SDHAF2: variants seen among roughly 807,000 people sequenced by gnomAD.
The protein encoded by SDHAF2 is succinate dehydrogenase assembly factor 2, mitochondrial.
In SDHAF2, 21 loss-of-function variants were observed where a neutral mutation model predicts 18.5. That is an observed-to-expected ratio of 1.13 (90% CI 0.80 to 1.63). The LOEUF (loss-of-function observed/expected upper bound fraction) is 1.63, where lower values mean the gene tolerates loss of function less well. Among genes scored for constraint, SDHAF2 ranks in the 40% most tolerant of loss-of-function variants. SDHAF2 has a pLI of 0.00. For synonymous variants in SDHAF2, 84 were observed against 70.7 expected (o/e 1.19, Z -0.94); for missense variants, 195 against 200.3 (o/e 0.97, Z 0.16).
chr11:61,430,251 G>A, intron 1 of SDHAF2, 69 bp downstream of exon 1: 1 of 1,598,152 alleles, frequency 6.3e-7, no homozygotes, highest in South Asian at 1.1e-5. Flanking sequence ...CTTCCTCTGT[G>A]GTCTCTATCT....
rs774987305 is a variant in SDHAF2, at chr11:61,430,215, G to A, written c.36+33G>A. 3 of 1,613,608 alleles carry A rather than the reference G, an allele frequency of 1.9e-6. No homozygotes were observed. The African/African-American group carries it at 4.0e-5, about 22-fold the overall frequency. On this transcript the variant is annotated intron_variant, in intron 1 of 3. Coordinates refer to ENST00000301761, the MANE Select transcript of SDHAF2 (RefSeq NM_017841.4). ...GAGAGAACGTTCTAGCGTCCGGGGCGGGCGGCAGCGGGGATTACCCTTTGT... is the reference window on the plus strand; with the variant it reads ...GAGAGAACGTTCTAGCGTCCGGGGCAGGCGGCAGCGGGGATTACCCTTTGT...
At position 61,446,560 on chromosome 11, in the gene SDHAF2, A is replaced by G. The variant is rs1415394360; in HGVS notation, c.*489A>G. 1 of 461,344 alleles carries G rather than the reference A, an allele frequency of 2.2e-6. No homozygotes were observed. The highest frequency in any genetic ancestry group is 3.8e-6 in the Non-Finnish European group (1 of 263,090). The allele number at this position is 461,344 out of a possible 1,614,324, so 28.6% of individuals were successfully genotyped here. A position where few individuals can be genotyped will look rare whatever the true frequency, so the allele number is the denominator to read the frequency against. On this transcript the variant is annotated 3_prime_UTR_variant, in exon 4 of 4. Coordinates refer to ENST00000301761, the MANE Select transcript of SDHAF2 (RefSeq NM_017841.4). ...TGGCTCCTTCTGCGAAGGGAAGCTG[A>G]TCCCAGCCTCCTGAGCTGAATCCTT...
chr11:61,444,631 T>A (rs985256579), intron 3 of SDHAF2, among the ~76,000 whole-genome samples: 3 of 151,876 alleles, frequency 2.0e-5, no homozygotes, highest in Non-Finnish European at 4.4e-5. Context: ...TGGTGCCAGC[T>A]ACTCGGGAGG....
At chr11:61,444,388 A>G (rs1366885608) in intron 3 of SDHAF2, 2 of 152,238 alleles carry the variant, frequency 1.3e-5, no homozygotes, top group Non-Finnish European at 1.5e-5. Context: ...CTGACTAGCC[A>G]CTGCAGTCTC....
intron 3 of SDHAF2, among the ~76,000 whole-genome samples, chr11:61,441,710 T>C (rs921692550): frequency 1.6e-4 from 24 of 152,120 alleles, no homozygotes; most frequent in Admixed American, 3.9e-4. Context: ...CTTTGTATTA[T>C]CAGGGTTTTG....
At chr11:61,440,945 T>C (rs927490726) in intron 3 of SDHAF2, among the ~76,000 whole-genome samples, 1 of 152,152 alleles carries the variant, frequency 6.6e-6, no homozygotes, top group African/African-American at 2.4e-5. Flanking sequence ...CTCACACCTA[T>C]AATTCCAGCG....
At chr11:61,434,021 G>A (rs946278478) in intron 1 of SDHAF2, 4 of 152,216 alleles carry the variant, frequency 2.6e-5, no homozygotes, top group African/African-American at 9.6e-5. Flanking sequence ...CCAGGTAGCT[G>A]GGACTATAGG....
chr11:61,433,088 G>T (rs1047837742), intron 1 of SDHAF2: 1 of 150,802 alleles, frequency 6.6e-6, no homozygotes, highest in African/African-American at 2.4e-5. Context: ...TGCCAGGCTG[G>T]AGTGCAGTGG....
At position 61,437,577 on chromosome 11, in the gene SDHAF2, A is replaced by G. The variant is rs747753502; in HGVS notation, c.37-48A>G. On this transcript the variant is annotated intron_variant, in intron 1 of 3. Transcript: ENST00000301761. ...AGTAAGCATTGAGTAAATGATAGCG[A>G]TGATAGTCGTCATTATTGTAAAGAT... The G allele has an allele frequency of 2.7e-6, 4 of 1,463,516 alleles. No homozygotes were observed. In the African/African-American group the frequency reaches 5.6e-5, roughly 20 times the overall value. 90.7% of individuals were successfully genotyped at this position (1,463,516 alleles called of 1,614,324 possible). A position where few individuals can be genotyped will look rare whatever the true frequency, so the allele number is the denominator to read the frequency against.
At chr11:61,438,353 C>T (rs1862022586) in intron 3 of SDHAF2, 1 of 594,980 alleles carries the variant, frequency 1.7e-6, no homozygotes. Context: ...GCATGTGTCA[C>T]CACACCCGGG....
At chr11:61,430,367 A>G (rs1590760038) in intron 1 of SDHAF2, 185 bp downstream of exon 1, 1 of 697,956 alleles carries the variant, frequency 1.4e-6, no homozygotes, top group Non-Finnish European at 2.5e-6. Context: ...TGGTGAGCCT[A>G]CTGTGTGCCG....
intron 3 of SDHAF2, among the ~76,000 whole-genome samples, chr11:61,439,334 T>C (rs566890793): frequency 6.6e-6 from 1 of 152,260 alleles, no homozygotes; most frequent in East Asian, 1.9e-4. Context: ...CCGGAAAAAG[T>C]GTGTGGAAGT....
At chr11:61,439,186 C>T (rs972649890) in intron 3 of SDHAF2, among the ~76,000 whole-genome samples, 1 of 152,122 alleles carries the variant, frequency 6.6e-6, no homozygotes, top group Non-Finnish European at 1.5e-5. Context: ...TTTCTCATGA[C>T]AGAAGTCCAG....
At chr11:61,442,273 A>C (rs1486703273) in intron 3 of SDHAF2, among the ~76,000 whole-genome samples, 1 of 152,166 alleles carries the variant, frequency 6.6e-6, no homozygotes, top group Non-Finnish European at 1.5e-5. Flanking sequence ...AAATAGAAAC[A>C]CTTCTACCGC....
intron 1 of SDHAF2, among the ~76,000 whole-genome samples, chr11:61,436,604 G>A (rs370540586): frequency 1.3e-5 from 2 of 152,360 alleles, no homozygotes; most frequent in African/African-American, 2.4e-5. Context: ...TCAGGTAGAA[G>A]CTAGGAGCTG....
intron 3 of SDHAF2, chr11:61,444,530 C>T (rs567100426): frequency 1.1e-4 from 16 of 151,954 alleles, no homozygotes; most frequent in African/African-American, 3.4e-4. Context: ...GTCAGGAGAC[C>T]AAGACCAGCC....
chr11:61,440,209 G>C (rs11824028), intron 3 of SDHAF2, among the ~76,000 whole-genome samples: 5,626 of 152,158 alleles, frequency 0.037, 319 homozygotes, highest in African/African-American at 0.12. Flanking sequence ...GGAGGCTGAG[G>C]CAAGAGAATC....
At chr11:61,445,626 CA>C (rs1862128349) in intron 3 of SDHAF2, among the ~76,000 whole-genome samples, 1 of 152,126 alleles carries the variant, frequency 6.6e-6, no homozygotes. Flanking sequence ...CATAAAGGAC[CA>C]GATAGTAAGT....
intron 1 of SDHAF2, chr11:61,431,842 C>G (rs867705919): frequency 2.0e-5 from 3 of 152,554 alleles, no homozygotes; most frequent in African/African-American, 7.2e-5. Context: ...AGGCGCCCCC[C>G]ACCACGCCTG....
Sources: gnomAD v4.1 joint callset for allele counts (sites outside exome capture counted in the v4.1 genomes callset) on GRCh38, gnomAD v4.1.1 for gene constraint, MANE v1.5 for transcripts, NCBI Gene and HGNC (gene_info 2026-07-23, HGNC 2026-07-21) for gene names.